The following CHSY3 variants were observed in gnomAD, a reference collection of about 807,000 sequenced individuals.
CHSY3 encodes N-acetylgalactosaminyl-proteoglycan 3-beta-glucuronosyltransferase 3.
Under a neutral mutation model 67.2 loss-of-function variants are expected in CHSY3, and 35 were observed. The observed-to-expected ratio is 0.52, with a 90% CI of 0.40 to 0.69. The LOEUF (loss-of-function observed/expected upper bound fraction) is 0.69. Ranked by LOEUF, CHSY3 falls within the 30% of genes least tolerant of loss-of-function variation. The probability of loss-of-function intolerance (pLI) is 0.00; values close to 1 mark genes in which losing one functional copy is unlikely to be tolerated. For missense variants in CHSY3, 1,069 were observed against 1,138.5 expected, an observed-to-expected ratio of 0.94 and a Z score of 0.88; for synonymous variants, 474 against 434.7, an observed-to-expected ratio of 1.09 and a Z score of -1.12.
At chr5:130,062,501 G>A (rs925227773) in intron 2 of CHSY3, among the ~76,000 whole-genome samples, 2 of 151,950 alleles carry the variant, frequency 1.3e-5, no homozygotes, top group African/African-American at 4.8e-5. Context: ...CTATCAGTAC[G>A]CAATATACGC....
At chr5:129,974,846 A>G (rs1762752578) in intron 2 of CHSY3, 2 of 152,212 alleles carry the variant, frequency 1.3e-5, no homozygotes, top group African/African-American at 4.8e-5. Flanking sequence ...TGTGTAAGCT[A>G]TAGTGTAGAG....
chr5:130,177,729 A>G (rs1770098534), intron 2 of CHSY3, among the ~76,000 whole-genome samples: 1 of 152,072 alleles, frequency 6.6e-6, no homozygotes, highest in African/African-American at 2.4e-5. Context: ...ATATGGGTCT[A>G]ATTTCATCGG....
rs535036047 is a variant in CHSY3 at position 129,905,071 on chromosome 5, A to G, written c.242A>G (p.Gln81Arg). Reference protein sequence around the residue: ...RQEQSPPPARQDLQGPPLPEA... With the variant: ...RQEQSPPPARRDLQGPPLPEA... ...GAGCAGTCGCCGCCCCCCGCGCGCC[A>G]GGATCTCCAGGGGCCACCGCTGCCC... The change falls in exon 1 of 3, where the codon CAG (glutamine) becomes CGG (arginine). Residue 81 changes from glutamine to arginine, a missense_variant. By Grantham distance (43) the Gln-to-Arg change is conservative (BLOSUM62 1). This residue lies in a region of CHSY3 where 309 missense variants were observed against 262.5 expected (regional missense o/e 1.18). Transcript: ENST00000305031. 4.5e-5 allele frequency: 69 copies of G among 1,544,714 alleles called. No individual in the cohort carries two copies. In the African/African-American group the frequency reaches 9.2e-4, roughly 21 times the overall value.
At chr5:130,010,656 T>A (rs910846518) in intron 2 of CHSY3, among the ~76,000 whole-genome samples, 2 of 151,868 alleles carry the variant, frequency 1.3e-5, no homozygotes, top group African/African-American at 4.8e-5. Flanking sequence ...CAGAGTGAAA[T>A]GGAGTATTGA....
chr5:129,905,828 G>T (rs1760270184), intron 1 of CHSY3, 197 bp downstream of exon 1: 1 of 1,214,122 alleles, frequency 8.2e-7, no homozygotes, highest in African/African-American at 1.5e-5. Context: ...CTGCAATCTG[G>T]ACCCTCCTCA....
chr5:129,905,905 G>C, intron 1 of CHSY3: 2 of 641,256 alleles, frequency 3.1e-6, no homozygotes, highest in Non-Finnish European at 2.5e-6. Flanking sequence ...TTGTCCCTTA[G>C]TCTTTACCTC....
At chr5:129,904,298 G>A (rs1023208057), upstream of CHSY3, among the ~76,000 whole-genome samples, 1 of 152,104 alleles carries the variant, frequency 6.6e-6, no homozygotes, top group African/African-American at 2.4e-5. Flanking sequence ...GGCGTCCAAG[G>A]GCGGGTGACG....
At chr5:129,984,999 T>C (rs1475203504) in intron 2 of CHSY3, among the ~76,000 whole-genome samples, 1 of 152,202 alleles carries the variant, frequency 6.6e-6, no homozygotes, top group African/African-American at 2.4e-5. Context: ...AGTTTTGTTT[T>C]GGCTATGCAG....
chr5:129,948,191 T>A (rs1204581127), intron 2 of CHSY3, among the ~76,000 whole-genome samples: 4 of 152,210 alleles, frequency 2.6e-5, no homozygotes, highest in African/African-American at 9.6e-5. Context: ...TTATTTATTT[T>A]TTTATTTCCA....
chr5:130,078,947 G>A (rs995678730), intron 2 of CHSY3, among the ~76,000 whole-genome samples: 2 of 152,132 alleles, frequency 1.3e-5, no homozygotes, highest in African/African-American at 4.8e-5. Flanking sequence ...GAGCTCACTT[G>A]CTCAATATGC....
intron 2 of CHSY3, among the ~76,000 whole-genome samples, chr5:129,994,531 C>G (rs375541065): frequency 1.3e-4 from 20 of 152,134 alleles, no homozygotes; most frequent in African/African-American, 4.6e-4. Flanking sequence ...GCATTTGTCA[C>G]GTAGTTCTCA....
intron 2 of CHSY3, among the ~76,000 whole-genome samples, chr5:130,032,721 TGA>T (rs1002340307): frequency 1.3e-5 from 2 of 152,050 alleles, no homozygotes; most frequent in African/African-American, 4.8e-5. Flanking sequence ...TGAATACGAA[TGA>T]GAGAGAGGTG....
chr5:130,035,034 G>T (rs1275644833), intron 2 of CHSY3, among the ~76,000 whole-genome samples: 1 of 152,082 alleles, frequency 6.6e-6, no homozygotes, highest in Non-Finnish European at 1.5e-5. Context: ...TCTTTTAAGT[G>T]ATTTGAGGAA....
chr5:130,045,010 G>A (rs1016287884), intron 2 of CHSY3, among the ~76,000 whole-genome samples: 8 of 152,088 alleles, frequency 5.3e-5, no homozygotes, highest in African/African-American at 1.9e-4. Context: ...TTTGCTTTGA[G>A]ACAGGGTCTC....
rs1313162086 is a variant in CHSY3 at position 130,074,317 on chromosome 5, C to T, written c.1087-109912C>T. On this transcript the variant is annotated intron_variant, in intron 2 of 2. Coordinates refer to ENST00000305031, the MANE Select transcript of CHSY3 (RefSeq NM_175856.5). ...ATCTCCCAGCCTCAAGTGATCCACCCGCCTCAGCCTCCCAATGTGCTGGGA... is the reference window on the plus strand; with the variant it reads ...ATCTCCCAGCCTCAAGTGATCCACCTGCCTCAGCCTCCCAATGTGCTGGGA... Among the ~76,000 whole-genome samples the T allele has an allele frequency of 5.3e-5, 8 of 151,922 alleles. No individual in the cohort carries two copies. In the East Asian group the frequency reaches 7.8e-4, roughly 15 times the overall value.
At chr5:129,911,125 C>T (rs1194151579) in intron 2 of CHSY3, among the ~76,000 whole-genome samples, 2 of 150,988 alleles carry the variant, frequency 1.3e-5, no homozygotes, top group Non-Finnish European at 3.0e-5. Flanking sequence ...GGTGAACGTG[C>T]TTACAGATCT....
At chr5:130,115,584 A>C (rs1040651499) in intron 2 of CHSY3, among the ~76,000 whole-genome samples, 3 of 152,116 alleles carry the variant, frequency 2.0e-5, no homozygotes, top group African/African-American at 7.2e-5. Flanking sequence ...TTATTAAACA[A>C]ACGATTCAGC....
intron 2 of CHSY3, among the ~76,000 whole-genome samples, chr5:130,053,071 C>T (rs758767737): frequency 6.6e-6 from 1 of 151,882 alleles, no homozygotes; most frequent in Non-Finnish European, 1.5e-5. Flanking sequence ...AAGGCAGTAT[C>T]CTAAAGATTA....
At chr5:130,126,577 AG>A (rs1485110471) in intron 2 of CHSY3, among the ~76,000 whole-genome samples, 17 of 148,432 alleles carry the variant, frequency 1.1e-4, no homozygotes, top group Non-Finnish European at 2.1e-4. Flanking sequence ...AGAGAGAGAA[AG>A]GAAAAAGAGA....
Sources: allele counts gnomAD v4.1 joint callset (sites outside exome capture counted in the v4.1 genomes callset), GRCh38; gene constraint gnomAD v4.1.1; regional missense constraint gnomAD v4.1.1; transcripts MANE v1.5; gene names NCBI Gene and HGNC (gene_info 2026-07-23, HGNC 2026-07-21).